TUSC3: variants seen among roughly 807,000 people sequenced by gnomAD.
TUSC3 encodes dolichyl-diphosphooligosaccharide--protein glycosyltransferase subunit TUSC3.
Under a neutral mutation model 44.8 loss-of-function variants are expected in TUSC3, and 45 were observed. The ratio of observed to expected loss-of-function variants is 1.00; its 90% confidence interval spans 0.79 to 1.29. TUSC3 has a LOEUF of 1.29. Among genes scored for constraint, TUSC3 ranks in the 50% most tolerant of loss-of-function variants. The pLI, the probability that TUSC3 is intolerant of heterozygous loss-of-function variation, is 0.00. For synonymous variants in TUSC3, 212 were observed against 152.9 expected (o/e 1.39, Z -2.85); for missense variants, 519 against 437.9 (o/e 1.19, Z -1.65).
At chr8:15,522,040 C>T (rs1355755422) in intron 2 of TUSC3, among the ~76,000 whole-genome samples, 2 of 152,190 alleles carry the variant, frequency 1.3e-5, no homozygotes, top group Non-Finnish European at 2.9e-5. Flanking sequence ...ACCTCCCTTG[C>T]CTCTGATTCT....
the TUSC3 span, among the ~76,000 whole-genome samples, chr8:15,778,908 T>G: frequency 2.6e-5 from 4 of 152,146 alleles, no homozygotes; most frequent in African/African-American, 9.7e-5. Flanking sequence ...TTTTCTGTCC[T>G]TCTGAGTTTA....
intron 1 of TUSC3, among the ~76,000 whole-genome samples, chr8:15,482,000 C>G (rs1800669231): frequency 6.6e-6 from 1 of 152,190 alleles, no homozygotes; most frequent in Admixed American, 6.5e-5. Context: ...CTTCTCCAAT[C>G]CAGCTGCTTC....
chr8:15,671,590 C>G (rs1252735854), intron 5 of TUSC3, among the ~76,000 whole-genome samples: 1 of 151,932 alleles, frequency 6.6e-6, no homozygotes, highest in Non-Finnish European at 1.5e-5. Context: ...CAGGTTTGAA[C>G]CTGGTTTTGT....
chr8:15,736,835 G>A (rs1810958415), intron 7 of TUSC3, among the ~76,000 whole-genome samples: 1 of 152,098 alleles, frequency 6.6e-6, no homozygotes, highest in Admixed American at 6.5e-5. Flanking sequence ...TGTTCCCACT[G>A]AATTCACCAA....
At chr8:15,647,876 A>G (rs1309352174) in intron 2 of TUSC3, among the ~76,000 whole-genome samples, 1 of 152,040 alleles carries the variant, frequency 6.6e-6, no homozygotes, top group Admixed American at 6.6e-5. Flanking sequence ...TCCATTCCCA[A>G]TCTCATTGAT....
chr8:15,571,360 A>C lies in TUSC3; in HGVS notation c.138+30792A>C, dbSNP rs75909689. Among the ~76,000 whole-genome samples, 1,002 of 152,254 alleles carry C rather than the reference A, an allele frequency of 6.6e-3. 11 individuals are homozygous for C. The highest frequency in any genetic ancestry group is 0.023 in the African/African-American group (949 of 41,548). ...ACCACTATAATAAAGCAAATATTAC[A>C]ATAAAGAGTTAGCAAGTTTTTTGGT... On this transcript the variant is annotated intron_variant, in intron 1 of 10. Coordinates refer to ENST00000503731, the MANE Select transcript of TUSC3 (RefSeq NM_006765.4).
intron 1 of TUSC3, among the ~76,000 whole-genome samples, chr8:15,471,537 A>G (rs1800494006): frequency 6.6e-6 from 1 of 152,122 alleles, no homozygotes; most frequent in African/African-American, 2.4e-5. Flanking sequence ...ATTTTTAGGA[A>G]GAGAATGAAC....
intron 1 of TUSC3, among the ~76,000 whole-genome samples, chr8:15,579,251 T>A (rs1803232092): frequency 7.1e-6 from 1 of 141,688 alleles, no homozygotes; most frequent in African/African-American, 2.6e-5. Context: ...ATTTTGTTGA[T>A]CCTTTCAAAA....
chr8:15,540,178 G>A, upstream of TUSC3: 4 of 452,178 alleles, frequency 8.8e-6, no homozygotes, highest in Non-Finnish European at 7.4e-6. Context: ...CCGCGCCCCC[G>A]AAGCCTGGCT....
chr8:15,627,540 G>A (rs1372596351), intron 2 of TUSC3, among the ~76,000 whole-genome samples: 1 of 152,256 alleles, frequency 6.6e-6, no homozygotes, highest in Non-Finnish European at 1.5e-5. Flanking sequence ...CCATGTTGTG[G>A]ATGAAGAGAA....
intron 1 of TUSC3, among the ~76,000 whole-genome samples, chr8:15,476,088 T>G (rs954528545): frequency 6.6e-6 from 1 of 152,188 alleles, no homozygotes; most frequent in Non-Finnish European, 1.5e-5. Context: ...AACGTGAACT[T>G]TTTTAACCAA....
chr8:15,563,415 A>G (rs968446811), intron 1 of TUSC3, among the ~76,000 whole-genome samples: 3 of 152,038 alleles, frequency 2.0e-5, no homozygotes, highest in African/African-American at 7.2e-5. Context: ...GGTAAGGAAG[A>G]TTCAAGAACA....
chr8:15,458,047 T>G (rs149921403), intron 1 of TUSC3, among the ~76,000 whole-genome samples: 1 of 151,960 alleles, frequency 6.6e-6, no homozygotes, highest in Non-Finnish European at 1.5e-5. Flanking sequence ...ACATACTCTT[T>G]AGGAACACAT....
At chr8:15,450,573 G>A (rs897718184) in intron 1 of TUSC3, among the ~76,000 whole-genome samples, 6 of 152,122 alleles carry the variant, frequency 3.9e-5, no homozygotes, top group African/African-American at 7.2e-5. Context: ...AGGAGGCTGA[G>A]GCAGGAGAAT....
the TUSC3 span, among the ~76,000 whole-genome samples, chr8:15,839,737 G>C: frequency 3.3e-5 from 5 of 152,202 alleles, no homozygotes; most frequent in Non-Finnish European, 5.9e-5. Flanking sequence ...ACAGGTGCTG[G>C]AGAGGATGTG....
Sources: allele counts gnomAD v4.1 joint callset (sites outside exome capture counted in the v4.1 genomes callset), GRCh38; gene constraint gnomAD v4.1.1; transcripts MANE v1.5; gene names NCBI Gene and HGNC (gene_info 2026-07-23, HGNC 2026-07-21).